CLSTN2: variants seen among roughly 807,000 people sequenced by gnomAD.
CLSTN2 encodes the protein calsyntenin-2.
In CLSTN2, 48 loss-of-function variants were observed where a neutral mutation model predicts 101.2. The ratio of observed to expected loss-of-function variants is 0.47; its 90% confidence interval spans 0.38 to 0.60. The LOEUF (loss-of-function observed/expected upper bound fraction) is 0.60, where lower values mean the gene tolerates loss of function less well. Among genes scored for constraint, CLSTN2 ranks in the 20% least tolerant of loss-of-function variants. The probability of loss-of-function intolerance (pLI) is 0.00; values close to 1 mark genes in which losing one functional copy is unlikely to be tolerated. For synonymous variants in CLSTN2, 481 were observed against 463.6 expected (o/e 1.04, Z -0.48); for missense variants, 1,160 against 1,238.2 (o/e 0.94, Z 0.95).
chr3:140,215,167 C>T (rs77186397), intron 2 of CLSTN2, among the ~76,000 whole-genome samples: 2,774 of 152,162 alleles, frequency 0.018, 90 homozygotes, highest in African/African-American at 0.064. Flanking sequence ...GTCTTTCTCT[C>T]CTCTTCATCT....
At chr3:140,490,560 A>C (rs970619226) in intron 8 of CLSTN2, among the ~76,000 whole-genome samples, 2 of 143,606 alleles carry the variant, frequency 1.4e-5, no homozygotes, top group Non-Finnish European at 3.0e-5. Flanking sequence ...GTGCCACTGT[A>C]CTCCATCCTG....
At chr3:140,020,377 C>T (rs2007288835) in intron 1 of CLSTN2, among the ~76,000 whole-genome samples, 1 of 152,038 alleles carries the variant, frequency 6.6e-6, no homozygotes, top group Admixed American at 6.6e-5. Flanking sequence ...TGTGTGTGTA[C>T]CCAGGTGGAA....
chr3:140,365,526 A>C (rs1449175250), intron 2 of CLSTN2, among the ~76,000 whole-genome samples: 1 of 152,168 alleles, frequency 6.6e-6, no homozygotes, highest in Admixed American at 6.5e-5. Context: ...TAGTCCTTCC[A>C]CAGGTTTCCT....
intron 5 of CLSTN2, among the ~76,000 whole-genome samples, chr3:140,438,041 T>A (rs535906161): frequency 2.0e-5 from 3 of 152,308 alleles, no homozygotes; most frequent in African/African-American, 7.2e-5. Context: ...TCCTTGTAGT[T>A]AGATAGGGCC....
At chr3:140,325,853 G>A (rs997759677) in intron 2 of CLSTN2, among the ~76,000 whole-genome samples, 11 of 152,142 alleles carry the variant, frequency 7.2e-5, no homozygotes, top group South Asian at 2.1e-4. Flanking sequence ...GGGTGGACGC[G>A]TCAGGTTATA....
rs908451195 is a variant in CLSTN2, at chr3:140,119,906, A to G, written c.110-56045A>G. Among the ~76,000 whole-genome samples, 5 of 151,932 alleles carry G rather than the reference A, an allele frequency of 3.3e-5. No homozygotes were observed. In the East Asian group the frequency reaches 9.7e-4, roughly 29 times the overall value. On this transcript the variant is annotated intron_variant, in intron 1 of 16. Coordinates refer to ENST00000458420, the MANE Select transcript of CLSTN2 (RefSeq NM_022131.3). ...CACTTAGGTGCCCAGTGAAGACTCC[A>G]TGAGCCTCAGTTTCATCTCCCATGA...
At chr3:140,365,671 C>A (rs928849727) in intron 2 of CLSTN2, among the ~76,000 whole-genome samples, 3 of 152,082 alleles carry the variant, frequency 2.0e-5, no homozygotes, top group Non-Finnish European at 2.9e-5. Context: ...ACTTCAAAAT[C>A]TGACCCCTGG....
At position 140,375,528 on chromosome 3, in the gene CLSTN2, G is replaced by A. The variant is rs551038951; in HGVS notation, c.233-28101G>A. ...TTTGTTTTATTGCCCAATTACCCTAGTTTTATACTTTGTAGATTATATTCT... is the reference window on the plus strand; with the variant it reads ...TTTGTTTTATTGCCCAATTACCCTAATTTTATACTTTGTAGATTATATTCT... On this transcript the variant is annotated intron_variant, in intron 2 of 16. Coordinates refer to ENST00000458420, the MANE Select transcript of CLSTN2 (RefSeq NM_022131.3). Among the ~76,000 whole-genome samples the A allele has an allele frequency of 9.9e-5, 15 of 152,214 alleles. No individual in the cohort carries two copies. The South Asian group carries it at 2.9e-3, about 29-fold the overall frequency.
intron 1 of CLSTN2, among the ~76,000 whole-genome samples, chr3:140,161,425 C>T (rs2010044164): frequency 6.6e-6 from 1 of 152,170 alleles, no homozygotes; most frequent in Non-Finnish European, 1.5e-5. Flanking sequence ...ATTCTCCTGA[C>T]AGCATGCACT....
At position 140,323,604 on chromosome 3, in the gene CLSTN2, C is replaced by T. The variant is rs372498805; in HGVS notation, c.233-80025C>T. On this transcript the variant is annotated intron_variant, in intron 2 of 16. Transcript: ENST00000458420. ...CAAGTTGCATAGCTCCTCTGATATT[C>T]AGTCTCTTCATCTGTTCAGTGAGGG... 5.6e-4 allele frequency among the ~76,000 whole-genome samples: 85 copies of T among 152,270 alleles called. No homozygotes were observed. In the South Asian group the frequency reaches 0.018, roughly 32 times the overall value.
At chr3:140,229,399 T>A (rs1439683916) in intron 2 of CLSTN2, among the ~76,000 whole-genome samples, 1 of 152,092 alleles carries the variant, frequency 6.6e-6, no homozygotes, top group Non-Finnish European at 1.5e-5. Flanking sequence ...TCCAAACTGG[T>A]CACTTAGATG....
chr3:140,342,525 A>G (rs2087502623), intron 2 of CLSTN2, among the ~76,000 whole-genome samples: 1 of 152,106 alleles, frequency 6.6e-6, no homozygotes, highest in Admixed American at 6.5e-5. Context: ...CAGAGAGCAC[A>G]AAGGAAGACT....
chr3:140,090,018 T>C (rs1357917284), intron 1 of CLSTN2, among the ~76,000 whole-genome samples: 1 of 138,918 alleles, frequency 7.2e-6, no homozygotes, highest in Non-Finnish European at 1.5e-5. Context: ...TGAGTATATA[T>C]TGGTTTTAGG....
At chr3:140,217,467 C>G (rs1187675369) in intron 2 of CLSTN2, among the ~76,000 whole-genome samples, 1 of 152,052 alleles carries the variant, frequency 6.6e-6, no homozygotes, top group Admixed American at 6.6e-5. Flanking sequence ...TTTCCGAGAT[C>G]CAGGAAAAAC....
intron 5 of CLSTN2, among the ~76,000 whole-genome samples, chr3:140,434,914 A>T (rs60653215): frequency 0.024 from 3,701 of 152,166 alleles, 146 homozygotes; most frequent in African/African-American, 0.082. Context: ...AAATTTTTTT[A>T]AATTATTTTT....
chr3:140,003,385 T>C (rs1200598335), intron 1 of CLSTN2, among the ~76,000 whole-genome samples: 1 of 152,214 alleles, frequency 6.6e-6, no homozygotes, highest in East Asian at 1.9e-4. Flanking sequence ...TACTGATTTT[T>C]GTATGTTGAT....
At chr3:139,945,416 T>A (rs1164352096) in intron 1 of CLSTN2, among the ~76,000 whole-genome samples, 1 of 152,264 alleles carries the variant, frequency 6.6e-6, no homozygotes, top group Non-Finnish European at 1.5e-5. Context: ...AACAAGGTGA[T>A]CATATTTAAG....
At chr3:140,406,048 C>T (rs2088298938) in intron 4 of CLSTN2, among the ~76,000 whole-genome samples, 1 of 152,126 alleles carries the variant, frequency 6.6e-6, no homozygotes, top group South Asian at 2.1e-4. Context: ...AATAGAAAAT[C>T]CAGTGGCAGC....
chr3:139,958,610 G>A (rs868282222), intron 1 of CLSTN2, among the ~76,000 whole-genome samples: 2 of 151,698 alleles, frequency 1.3e-5, no homozygotes, highest in African/African-American at 2.4e-5. Context: ...AGATCAACTG[G>A]GAACCTGCAG....
Sources: allele counts gnomAD v4.1 joint callset (sites outside exome capture counted in the v4.1 genomes callset), GRCh38; gene constraint gnomAD v4.1.1; transcripts MANE v1.5; gene names NCBI Gene and HGNC (gene_info 2026-07-23, HGNC 2026-07-21).